Variants in VPS37A observed in about 807,000 individuals in gnomAD.
The protein encoded by VPS37A is vacuolar protein sorting-associated protein 37A.
VPS37A carries 30 observed loss-of-function variants against 49.8 expected under a neutral mutation model. The observed-to-expected ratio is 0.60, with a 90% CI of 0.45 to 0.82. The LOEUF (loss-of-function observed/expected upper bound fraction) is 0.82, where lower values mean the gene tolerates loss of function less well. Among genes scored for constraint, VPS37A ranks in the 40% least tolerant of loss-of-function variants. The pLI, the probability that VPS37A is intolerant of heterozygous loss-of-function variation, is 0.00. For synonymous variants in VPS37A, 195 were observed against 160.6 expected (o/e 1.21, Z -1.62); for missense variants, 593 against 464.4 (o/e 1.28, Z -2.55).
intron 11 of VPS37A, among the ~76,000 whole-genome samples, chr8:17,293,062 G>T (rs780513989): frequency 6.6e-6 from 1 of 152,068 alleles, no homozygotes; most frequent in East Asian, 1.9e-4. Flanking sequence ...CTTGGTTCCA[G>T]TCTCTCTGTC....
chr8:17,285,578 TAC>T (rs930979672), intron 10 of VPS37A, among the ~76,000 whole-genome samples: 28 of 152,190 alleles, frequency 1.8e-4, no homozygotes, highest in African/African-American at 6.3e-4. Context: ...CTGTGAGACA[TAC>T]ACACACACAT....
At chr8:17,299,760 A>ATGACATGCACCATT (rs1816978903), downstream of VPS37A, 5 of 1,493,106 alleles carry the variant, frequency 3.3e-6, no homozygotes, top group Non-Finnish European at 3.6e-6. Context: ...GTAGTTCTCA[A>ATGACATGCACCATT]TGACATGCAC....
the VPS37A span, among the ~76,000 whole-genome samples, chr8:17,322,950 C>T: frequency 1.4e-4 from 18 of 125,756 alleles, no homozygotes; most frequent in East Asian, 5.0e-4. Context: ...ATTGAATTAT[C>T]TTTTTTTTTT....
At chr8:17,277,750 G>A (rs1006367338) in intron 6 of VPS37A, among the ~76,000 whole-genome samples, 3 of 151,352 alleles carry the variant, frequency 2.0e-5, no homozygotes, top group African/African-American at 7.3e-5. Context: ...ATTTTTGTGG[G>A]CAGTTTGTTT....
chr8:17,276,735 T>G (rs1231572617), intron 6 of VPS37A, among the ~76,000 whole-genome samples: 1 of 152,164 alleles, frequency 6.6e-6, no homozygotes. Context: ...TCATGTGGCC[T>G]GCATTCTTTG....
chr8:17,313,456 TATG>T, the VPS37A span: 2 of 1,150,026 alleles, frequency 1.7e-6, no homozygotes, highest in Non-Finnish European at 1.3e-6. Context: ...TCATTTTACA[TATG>T]ATCATGTTTT....
chr8:17,254,510 C>G (rs114289260), intron 1 of VPS37A, among the ~76,000 whole-genome samples: 34 of 152,306 alleles, frequency 2.2e-4, no homozygotes, highest in African/African-American at 7.9e-4. Flanking sequence ...CTTCTTCCCC[C>G]CAAACTCTTA....
At chr8:17,304,398 GTGT>G, downstream of VPS37A, 1 of 1,613,540 alleles carries the variant, frequency 6.2e-7, no homozygotes, top group Non-Finnish European at 8.5e-7. Flanking sequence ...AAGTTACATG[GTGT>G]TGTAGGGAGA....
chr8:17,299,323 G>C (rs1352206833), downstream of VPS37A: 1 of 152,428 alleles, frequency 6.6e-6, no homozygotes, highest in Non-Finnish European at 1.5e-5. Flanking sequence ...GATTATGCCT[G>C]AAAGATAAGC....
chr8:17,333,240 GA>G, the VPS37A span, among the ~76,000 whole-genome samples: 1 of 151,898 alleles, frequency 6.6e-6, no homozygotes, highest in Non-Finnish European at 1.5e-5. Flanking sequence ...CCTTAATCAA[GA>G]AAAAAATATT....
At chr8:17,272,359 G>A (rs1355979914) in intron 4 of VPS37A, among the ~76,000 whole-genome samples, 1 of 151,936 alleles carries the variant, frequency 6.6e-6, no homozygotes, top group African/African-American at 2.4e-5. Context: ...TGTTTTCTAT[G>A]TTCTAGAGTC....
the VPS37A span, among the ~76,000 whole-genome samples, chr8:17,318,095 G>A: frequency 6.6e-6 from 1 of 152,144 alleles, no homozygotes; most frequent in African/African-American, 2.4e-5. Context: ...CACTCAGGAT[G>A]ATGATGGGAA....
intron 1 of VPS37A, among the ~76,000 whole-genome samples, chr8:17,255,427 G>A (rs1812352796): frequency 6.6e-6 from 1 of 152,182 alleles, no homozygotes; most frequent in Non-Finnish European, 1.5e-5. Context: ...GTTGCAGTGA[G>A]CTGAGATAGT....
chr8:17,282,604 C>G (rs1397031855), intron 9 of VPS37A, among the ~76,000 whole-genome samples: 3 of 152,008 alleles, frequency 2.0e-5, no homozygotes, highest in East Asian at 1.9e-4. Flanking sequence ...TGCCAGTGGT[C>G]TATTGGAAAA....
At chr8:17,308,941 A>G in the VPS37A span, among the ~76,000 whole-genome samples, 4 of 152,220 alleles carry the variant, frequency 2.6e-5, no homozygotes, top group African/African-American at 9.6e-5. Flanking sequence ...CTTGCAGACT[A>G]AAGTGAATCT....
chr8:17,304,934 T>A (rs887561520), downstream of VPS37A, among the ~76,000 whole-genome samples: 1 of 152,138 alleles, frequency 6.6e-6, no homozygotes, highest in Admixed American at 6.5e-5. Context: ...ATAGAGAGAA[T>A]AAGTGGTTTC....
chr8:17,302,012 T>C (rs1817149628), downstream of VPS37A: 6 of 1,079,956 alleles, frequency 5.6e-6, no homozygotes, highest in South Asian at 3.1e-5. Flanking sequence ...AGTCCTGACC[T>C]GGATGGGGTT....
At chr8:17,292,199 T>C (rs1289030085) in intron 11 of VPS37A, among the ~76,000 whole-genome samples, 2 of 152,222 alleles carry the variant, frequency 1.3e-5, no homozygotes, top group South Asian at 2.1e-4. Context: ...TCTTCCTACA[T>C]TGATCCCTTT....
chr8:17,304,534 A>AT (rs1199710819), downstream of VPS37A: 4 of 1,610,646 alleles, frequency 2.5e-6, no homozygotes, highest in Non-Finnish European at 3.4e-6. Flanking sequence ...TATAAAGAAA[A>AT]TAAGTCTATA....
Sources: gnomAD v4.1 joint callset for allele counts (sites outside exome capture counted in the v4.1 genomes callset) on GRCh38, gnomAD v4.1.1 for gene constraint, MANE v1.5 for transcripts, NCBI Gene and HGNC (gene_info 2026-07-23, HGNC 2026-07-21) for gene names.